NOL6: variants seen among roughly 807,000 people sequenced by gnomAD.
NOL6 encodes the protein nucleolar RNA-associated protein.
A neutral mutation model predicts 131.7 loss-of-function variants in NOL6; 33 were observed. The observed-to-expected ratio is 0.25, with a 90% CI of 0.19 to 0.33. NOL6 has a LOEUF of 0.33. Ranked by LOEUF, NOL6 falls within the 10% of genes least tolerant of loss-of-function variation. The probability of loss-of-function intolerance (pLI) is 1.00; values close to 1 mark genes in which losing one functional copy is unlikely to be tolerated. For missense variants in NOL6, 1,297 were observed against 1,494.5 expected (o/e 0.87, Z 2.18); for synonymous variants, 580 against 605.7 (o/e 0.96, Z 0.62).
chr9:33,469,181 C>A (rs1220990659), intron 6 of NOL6, 26 bp downstream of exon 6: 1 of 1,614,144 alleles, frequency 6.2e-7, no homozygotes, highest in Admixed American at 1.7e-5. Context: ...CCCTCCAGCT[C>A]CACCTCAACA....
At chr9:33,470,502 C>T (rs1827380340) in intron 3 of NOL6, 1 of 171,166 alleles carries the variant, frequency 5.8e-6, no homozygotes, top group Non-Finnish European at 1.2e-5. Context: ...ACCATCCTGG[C>T]TAACACGGTG....
At position 33,462,646 on chromosome 9, in the gene NOL6, C is replaced by T. The variant is rs1411224260; in HGVS notation, c.*18G>A. The T allele has an allele frequency of 6.2e-7, 1 of 1,613,570 alleles. No individual in the cohort carries two copies. The highest frequency in any genetic ancestry group is 1.7e-5 in the Admixed American group (1 of 59,958). On this transcript the variant is annotated 3_prime_UTR_variant, in exon 26 of 26. Transcript: ENST00000297990. Reference sequence around the variant, plus strand: ...CCAATGTCCTGCTGTCCGTCTACAGCTTGCTCCAGAGCTGGGATCACACAG... The same window carrying T: ...CCAATGTCCTGCTGTCCGTCTACAGTTTGCTCCAGAGCTGGGATCACACAG...
chr9:33,462,250 C>T lies in NOL6; in HGVS notation c.*414G>A. ...CACTGCAGTGAAGGGCATGCTAAGT[C>T]TAGGCACAGGTCCTGGCAGCAGGAA... On this transcript the variant is annotated 3_prime_UTR_variant, in exon 26 of 26. Transcript: ENST00000297990. The T allele has an allele frequency of 1.4e-6, 1 of 716,506 alleles. No homozygotes were observed. Among genetic ancestry groups the T allele is most frequent in the South Asian group, 1.5e-5 (1 of 67,540 alleles). 44.4% of individuals were successfully genotyped at this position (716,506 alleles called of 1,614,324 possible).
Position 33,463,399 on chromosome 9 carries a change from G to A in NOL6, c.3037C>T (p.Arg1013Cys), listed in dbSNP as rs778777945. 1.6e-5 allele frequency: 26 copies of A among 1,613,816 alleles called. No individual in the cohort carries two copies. Among genetic ancestry groups the A allele is most frequent in the South Asian group, 3.3e-5 (3 of 91,050 alleles). The change falls in exon 24 of 26, where the codon CGC becomes TGC. Residue 1013 changes from arginine to cysteine, a missense_variant. Arg to Cys is a radical substitution (Grantham distance 180). Transcript: ENST00000297990. ...CGCGGGATATGGCGAGGAGACAGGC[G>A]AATCAGCACGTCGTAAATGTCCAAG... ...PPLDIYDVLI[R>C]LSPRHIPRHR...
chr9:33,465,683 G>C, intron 19 of NOL6, 51 bp downstream of exon 19: 1 of 1,570,210 alleles, frequency 6.4e-7, no homozygotes. Flanking sequence ...TGAGGAGAAT[G>C]GGGGCAGGAG....
At chr9:33,468,898 G>A in intron 7 of NOL6, 26 bp from the exon 8 acceptor site, 1 of 1,614,060 alleles carries the variant, frequency 6.2e-7, no homozygotes, top group Non-Finnish European at 8.5e-7. Context: ...AGAGGCTGAG[G>A]TCAGAGCCTG....
At position 33,469,310 on chromosome 9, in the gene NOL6, C is replaced by T. The variant is rs909683428; in HGVS notation, c.759G>A (p.Leu253=). Residue 253 remains leucine, a synonymous_variant, in exon 6 of 26, where the codon CTG becomes CTA. Coordinates refer to ENST00000297990, the MANE Select transcript of NOL6 (RefSeq NM_022917.5). The part of the protein sequence containing the change: ...GKDERLVTVR[L]HPCPPPDFFR... ...AGAAGTCAGGTGGAGGGCACGGATGCAGACGTACAGTGACCAGGCGCTCAT... is the reference window on the plus strand; with the variant it reads ...AGAAGTCAGGTGGAGGGCACGGATGTAGACGTACAGTGACCAGGCGCTCAT... The T allele has an allele frequency of 6.2e-7, 1 of 1,614,146 alleles. No individual in the cohort carries two copies.
In NOL6 at chr9:33,461,459, A is replaced by C. The variant is rs1254755774; in HGVS notation, c.*1205T>G. Reference sequence around the variant, plus strand: ...CCAGGAATACGGGGGAAATTAAGCAATTTAACTTTTTATTTAAAAGAGATG... The same window carrying C: ...CCAGGAATACGGGGGAAATTAAGCACTTTAACTTTTTATTTAAAAGAGATG... On this transcript the variant is annotated 3_prime_UTR_variant, in exon 26 of 26. Transcript: ENST00000297990. 6.6e-6 allele frequency: 1 copy of C among 152,234 alleles called. No homozygotes were observed. The highest frequency in any genetic ancestry group is 1.5e-5 in the Non-Finnish European group (1 of 68,046). 9.4% of individuals were successfully genotyped at this position (152,234 alleles called of 1,614,324 possible). A position where few individuals can be genotyped will look rare whatever the true frequency, so the allele number is the denominator to read the frequency against.
intron 23 of NOL6, 99 bp from the exon 24 acceptor site, chr9:33,463,540 T>C (rs562216423): frequency 2.0e-5 from 23 of 1,140,812 alleles, no homozygotes; most frequent in Non-Finnish European, 2.9e-5. Flanking sequence ...TCCTTCCATC[T>C]GACCACCCTC....
At chr9:33,469,980 TG>T in intron 4 of NOL6, 31 bp downstream of exon 4, 1 of 1,515,874 alleles carries the variant, frequency 6.6e-7, no homozygotes, top group Non-Finnish European at 8.9e-7. Context: ...AGTCAGGTGG[TG>T]GGCCTCTATC....
chr9:33,463,906 A>G lies in NOL6; in HGVS notation c.2919T>C (p.Leu973=). ...GCAGGGCTTCAGCTGCCAGGACCAC[A>G]AGCTGCTGCAGGATCTGCGGGGTAC... ...DGPSAQILQQ[L]VVLAAEALPM... is the part of the protein sequence containing the mutation. Residue 973 remains leucine (L), a synonymous_variant, in exon 23 of 26, where the codon CTT becomes CTC. Coordinates refer to ENST00000297990, the MANE Select transcript of NOL6 (RefSeq NM_022917.5). The G allele has an allele frequency of 6.2e-7, 1 of 1,614,056 alleles. No individual in the cohort carries two copies. The highest frequency in any genetic ancestry group is 8.5e-7 in the Non-Finnish European group (1 of 1,179,984).
chr9:33,463,852 G>T lies in NOL6; in HGVS notation c.2973C>A (p.Pro991=). ...LPMLEKQLMD[P]RGPGDIRTVF... is the part of the protein sequence containing the mutation. ...TTACCCTGATGTCCCCAGGTCCCCGGGGATCCATGAGCTGCTTCTCTAACA... is the reference window on the plus strand; with the variant it reads ...TTACCCTGATGTCCCCAGGTCCCCGTGGATCCATGAGCTGCTTCTCTAACA... The change falls in exon 23 of 26, where the codon CCC becomes CCA. Residue 991 remains proline (P), a synonymous_variant. Transcript: ENST00000297990. The T allele has an allele frequency of 6.2e-6, 10 of 1,613,992 alleles. No homozygotes were observed. The highest frequency in any genetic ancestry group is 8.5e-6 in the Non-Finnish European group (10 of 1,179,976).
intron 3 of NOL6, 49 bp downstream of exon 3, chr9:33,471,955 C>T (rs1426708357): frequency 1.6e-6 from 2 of 1,275,674 alleles, no homozygotes; most frequent in African/African-American, 1.5e-5. Flanking sequence ...GATATACCCC[C>T]ACTGGAGGTC....
At chr9:33,469,933 G>A (rs1236987855) in intron 4 of NOL6, 79 bp downstream of exon 4, 3 of 1,391,502 alleles carry the variant, frequency 2.2e-6, no homozygotes, top group African/African-American at 1.5e-5. Context: ...CCCCTGGCAA[G>A]CGGCAGATAA....
chr9:33,469,428 C>T lies in NOL6; in HGVS notation c.727+71G>A, dbSNP rs905318551. On this transcript the variant is annotated intron_variant, in intron 5 of 25. Coordinates refer to ENST00000297990, the MANE Select transcript of NOL6 (RefSeq NM_022917.5). ...CCTGTCCCCCCATACTTGAGGCCTC[C>T]GTGCCTCTGTGCCTTCTCCTCCAGA... The T allele has an allele frequency of 2.3e-5, 37 of 1,601,112 alleles. No individual in the cohort carries two copies. In the Admixed American group the frequency reaches 2.9e-4, roughly 13 times the overall value.
chr9:33,473,774 G>A lies in NOL6; in HGVS notation c.54+15C>T. 6.2e-7 allele frequency: 1 copy of A among 1,611,718 alleles called. No homozygotes were observed. Among genetic ancestry groups the A allele is most frequent in the Non-Finnish European group, 8.5e-7 (1 of 1,179,928 alleles). ...GCACATTGAGCCTCTGTTCCTCCCC[G>A]ATGGCTCAACCCACCTCTGGCTCTC... is the stretch of plus-strand genomic sequence containing the variant. On this transcript the variant is annotated intron_variant, in intron 1 of 25. Coordinates refer to ENST00000297990, the MANE Select transcript of NOL6 (RefSeq NM_022917.5).
chr9:33,464,221 C>G, intron 21 of NOL6, 60 bp from the exon 22 acceptor site: 1 of 1,536,784 alleles, frequency 6.5e-7, no homozygotes. Flanking sequence ...CCCTCTACTC[C>G]CCCAGGTCCT....
At chr9:33,468,270 A>G (rs1587221955) in intron 10 of NOL6, 51 bp downstream of exon 10, 1 of 1,610,028 alleles carries the variant, frequency 6.2e-7, no homozygotes, top group East Asian at 2.2e-5. Context: ...CAAAAGGGAC[A>G]GAGTCTGGGC....
rs762856138 is a variant in NOL6 at position 33,472,079 on chromosome 9, C to A, written c.303G>T (p.Lys101Asn). The change falls in exon 3 of 26, where the codon AAG becomes AAT. Residue 101 changes from lysine (K) to asparagine (N), a missense_variant. By Grantham distance (94) the Lys-to-Asn change is moderately conservative. Transcript: ENST00000297990. ...GTAGGAAGGCATCAATCCGATCCTT[C>A]TTCTTCTCTGACAGCCTTACTTCCT... Reference protein sequence around the residue: ...LLKEVRLSEKKKDRIDAFLRE... With the variant: ...LLKEVRLSEKNKDRIDAFLRE... The A allele has an allele frequency of 6.2e-7, 1 of 1,614,086 alleles. No individual in the cohort carries two copies. Among genetic ancestry groups the A allele is most frequent in the Non-Finnish European group, 8.5e-7 (1 of 1,180,030 alleles).
Sources: allele counts gnomAD v4.1 joint callset, GRCh38; gene constraint gnomAD v4.1.1; transcripts MANE v1.5; gene names NCBI Gene and HGNC (gene_info 2026-07-23, HGNC 2026-07-21).